Variants in ZDHHC18 observed in about 807,000 individuals in gnomAD.
The protein encoded by ZDHHC18 is zDHHC palmitoyltransferase 18.
Under a neutral mutation model 37.5 loss-of-function variants are expected in ZDHHC18, and 23 were observed. The observed-to-expected ratio is 0.61, with a 90% CI of 0.44 to 0.87. ZDHHC18 has a LOEUF of 0.87. Among genes scored for constraint, ZDHHC18 ranks in the 40% least tolerant of loss-of-function variants. The pLI, the probability that ZDHHC18 is intolerant of heterozygous loss-of-function variation, is 0.00. For synonymous variants in ZDHHC18, 185 were observed against 218.7 expected, an observed-to-expected ratio of 0.85 and a Z score of 1.36; for missense variants, 406 against 525.6, an observed-to-expected ratio of 0.77 and a Z score of 2.22.
chr1:26,852,629 C>T (rs749326357), intron 6 of ZDHHC18, 124 bp from the exon 7 acceptor site: 6 of 740,180 alleles, frequency 8.1e-6, no homozygotes, highest in Non-Finnish European at 1.1e-5. Flanking sequence ...ACATGAAAGA[C>T]ATGTCGCCTT....
chr1:26,842,149 A>AAGAG (rs199852583), intron 2 of ZDHHC18, among the ~76,000 whole-genome samples: 1 of 149,700 alleles, frequency 6.7e-6, no homozygotes, highest in East Asian at 1.9e-4. Flanking sequence ...AAAAAAAAAA[A>AAGAG]AGAGAGAGAG....
At chr1:26,828,947 T>TA (rs1180275982) in intron 1 of ZDHHC18, among the ~76,000 whole-genome samples, 2 of 152,306 alleles carry the variant, frequency 1.3e-5, no homozygotes, top group East Asian at 3.9e-4. Context: ...TGCAGTGTGA[T>TA]ATCTGGCCTA....
rs556729823 is a variant in ZDHHC18 at position 26,836,158 on chromosome 1, G to A, written c.496+3551G>A. ...AGAAGCTCCTGGTCTGATGGGAGGT[G>A]ATAGAGACATCCAAATCCAAGTGAC... On this transcript the variant is annotated intron_variant, in intron 2 of 7. Coordinates refer to ENST00000374142, the MANE Select transcript of ZDHHC18 (RefSeq NM_032283.3). Among the ~76,000 whole-genome samples the A allele has an allele frequency of 2.6e-5, 4 of 152,322 alleles. 1 individual carries two copies. The highest frequency in any genetic ancestry group is 9.6e-5 in the African/African-American group (4 of 41,558).
chr1:26,849,845 C>T (rs1417665845), intron 3 of ZDHHC18, among the ~76,000 whole-genome samples: 1 of 152,218 alleles, frequency 6.6e-6, no homozygotes, highest in African/African-American at 2.4e-5. Flanking sequence ...GCCGGCACTG[C>T]TCTGGATCCT....
intron 2 of ZDHHC18, among the ~76,000 whole-genome samples, chr1:26,839,450 A>G (rs976220267): frequency 2.6e-5 from 4 of 152,188 alleles, no homozygotes; most frequent in African/African-American, 9.7e-5. Flanking sequence ...ACTCATTTCT[A>G]TGAATTTGCC....
Position 26,838,557 on chromosome 1 carries a change from G to A in ZDHHC18, c.496+5950G>A, listed in dbSNP as rs144634710. ...ATTAATTGAATAGCTATTTAGGTCAGATCTTGATATTATGTTATTTCTGAT... is the reference window on the plus strand; with the variant it reads ...ATTAATTGAATAGCTATTTAGGTCAAATCTTGATATTATGTTATTTCTGAT... On this transcript the variant is annotated intron_variant, in intron 2 of 7. Transcript: ENST00000374142. Among the ~76,000 whole-genome samples the A allele has an allele frequency of 1.2e-4, 18 of 152,308 alleles. No individual in the cohort carries two copies. The East Asian group carries it at 3.5e-3, about 29-fold the overall frequency.
chr1:26,849,617 G>A (rs1479804185), intron 3 of ZDHHC18, among the ~76,000 whole-genome samples: 1 of 152,254 alleles, frequency 6.6e-6, no homozygotes, highest in East Asian at 1.9e-4. Context: ...ATTCCCACAA[G>A]GACTTTCTTT....
intron 3 of ZDHHC18, among the ~76,000 whole-genome samples, chr1:26,849,513 A>C (rs1270035242): frequency 6.6e-6 from 1 of 152,226 alleles, no homozygotes; most frequent in Non-Finnish European, 1.5e-5. Context: ...GGGGTGACTC[A>C]GTGGGCACCA....
At position 26,826,856 on chromosome 1, in the gene ZDHHC18, G is replaced by T; in HGVS notation, c.52G>T (p.Ala18Ser). Residue 18 changes from alanine (A) to serine (S), a missense_variant, in exon 1 of 8, where the codon GCC (alanine) becomes TCC (serine). Ala to Ser is a moderately conservative substitution (Grantham distance 99). Transcript: ENST00000374142. This position sits in a 1 kb window ranked among gnomAD's most constrained non-coding sequence, Gnocchi z 5.2. ...CAGCCCCGGGGCCGCCCCGCTGCCCGCCTCCCCGGGGGCGCGCCGTCCCGG... is the reference window on the plus strand; with the variant it reads ...CAGCCCCGGGGCCGCCCCGCTGCCCTCCTCCCCGGGGGCGCGCCGTCCCGG... ...QISPGAAPLP[A>S]SPGARRPGPA... 2 of 979,946 alleles carry T rather than the reference G, an allele frequency of 2.0e-6. No individual in the cohort carries two copies. Among genetic ancestry groups the T allele is most frequent in the Non-Finnish European group, 2.4e-6 (2 of 827,694 alleles). 60.7% of individuals were successfully genotyped at this position (979,946 alleles called of 1,614,324 possible). A position where few individuals can be genotyped will look rare whatever the true frequency, so the allele number is the denominator to read the frequency against.
intron 2 of ZDHHC18, among the ~76,000 whole-genome samples, chr1:26,845,320 CTTTTTTTTTTTTTTTTTTT>C (rs71007896): frequency 1.1e-4 from 5 of 45,194 alleles, no homozygotes; most frequent in Non-Finnish European, 1.9e-4. Context: ...CTTCTTCATT[CTTTTTTTTTTTTTTTTTTT>C]TTTTTTTTTT....
intron 2 of ZDHHC18, 79 bp from the exon 3 acceptor site, chr1:26,848,529 G>T: frequency 6.4e-7 from 1 of 1,554,726 alleles, no homozygotes; most frequent in Non-Finnish European, 8.8e-7. Flanking sequence ...TGGCCAGGCA[G>T]CAGTAGCTTT....
chr1:26,832,159 A>G lies in ZDHHC18; in HGVS notation c.336-288A>G, dbSNP rs137955199. On this transcript the variant is annotated intron_variant, in intron 1 of 7. Coordinates refer to ENST00000374142, the MANE Select transcript of ZDHHC18 (RefSeq NM_032283.3). Reference sequence around the variant, plus strand: ...AGTGTCTGCCTGAAGCTCTGTGTGTAGAGGGATTCTCTGGATGCAGAGGTT... The same window carrying G: ...AGTGTCTGCCTGAAGCTCTGTGTGTGGAGGGATTCTCTGGATGCAGAGGTT... 290 of 372,368 alleles carry G rather than the reference A, an allele frequency of 7.8e-4. 1 individual carries two copies. The highest frequency in any genetic ancestry group is 4.9e-3 in the African/African-American group (238 of 48,794). 23.1% of individuals were successfully genotyped at this position (372,368 alleles called of 1,614,324 possible). A position where few individuals can be genotyped will look rare whatever the true frequency, so the allele number is the denominator to read the frequency against.
intron 1 of ZDHHC18, among the ~76,000 whole-genome samples, chr1:26,827,448 G>GCCTCCATGCC (rs2124242682): frequency 2.0e-5 from 3 of 151,174 alleles, no homozygotes; most frequent in African/African-American, 7.3e-5. Flanking sequence ...AGGAACACCA[G>GCCTCCATGCC]CCTCCATGCC....
In ZDHHC18 at chr1:26,856,368, GGT is replaced by G. The variant is rs2081734329; in HGVS notation, c.*2531_*2532del. 2.7e-6 allele frequency: 1 copy of G among 370,032 alleles called. No homozygotes were observed. Among genetic ancestry groups the G allele is most frequent in the Non-Finnish European group, 5.8e-6 (1 of 171,854 alleles). The allele number at this position is 370,032 out of a possible 1,614,324, so 22.9% of individuals were successfully genotyped here. ...CCCCATGGAGCCCGTCCATCTGTCT[GGT>G]GTGTGGTGCGGTGTGTGTGCTGGTG... On this transcript the variant is annotated 3_prime_UTR_variant, in exon 8 of 8. Coordinates refer to ENST00000374142, the MANE Select transcript of ZDHHC18 (RefSeq NM_032283.3). This position sits in a 1 kb window ranked among gnomAD's most constrained non-coding sequence, Gnocchi z 5.2.
chr1:26,850,396 A>G lies in ZDHHC18; in HGVS notation c.742A>G (p.Thr248Ala). 6.2e-7 allele frequency: 1 copy of G among 1,614,154 alleles called. No homozygotes were observed. The highest frequency in any genetic ancestry group is 1.1e-5 in the South Asian group (1 of 91,084). The change falls in exon 4 of 8, where the codon ACG becomes GCG. Residue 248 changes from threonine (T) to alanine (A), a missense_variant. Coordinates refer to ENST00000374142, the MANE Select transcript of ZDHHC18 (RefSeq NM_032283.3). This position sits in a 1 kb window ranked among gnomAD's most constrained non-coding sequence, Gnocchi z 6.1. The part of the protein sequence containing the change: ...YAFILSLSFL[T>A]AFIFACVVTH... ...GTTTATTCTCTCCCTCTCATTCCTG[A>G]CGGCCTTCATCTTCGCCTGTGTGGT...
chr1:26,836,445 C>T (rs376295412), intron 2 of ZDHHC18, among the ~76,000 whole-genome samples: 2 of 152,176 alleles, frequency 1.3e-5, no homozygotes, highest in African/African-American at 2.4e-5. Flanking sequence ...CCCTGTCCCC[C>T]CACAAACCCC....
At chr1:26,827,896 C>T (rs1216681031) in intron 1 of ZDHHC18, among the ~76,000 whole-genome samples, 7 of 152,184 alleles carry the variant, frequency 4.6e-5, no homozygotes, top group African/African-American at 7.2e-5. Flanking sequence ...GGCCCCTGGC[C>T]CCCCTGCTGA....
intron 7 of ZDHHC18, 36 bp from the exon 8 acceptor site, chr1:26,853,690 G>A (rs374398603): frequency 5.0e-6 from 8 of 1,596,180 alleles, no homozygotes; most frequent in African/African-American, 1.3e-5. Flanking sequence ...TCAGTGTTGG[G>A]CAGAGCCCTC....
At chr1:26,846,282 G>T in intron 2 of ZDHHC18, among the ~76,000 whole-genome samples, 1 of 47,672 alleles carries the variant, frequency 2.1e-5, no homozygotes, top group African/African-American at 1.5e-4. Flanking sequence ...ATGTGTGTGT[G>T]TGTGTGTGTA....
Sources: allele counts gnomAD v4.1 joint callset (sites outside exome capture counted in the v4.1 genomes callset), GRCh38; gene constraint gnomAD v4.1.1; non-coding constraint Gnocchi (gnomAD v3.1); transcripts MANE v1.5; gene names NCBI Gene and HGNC (gene_info 2026-07-23, HGNC 2026-07-21).